The following KPNA4 variants were observed in gnomAD, a reference collection of about 807,000 sequenced individuals.
KPNA4 encodes the protein importin subunit alpha-3.
A neutral mutation model predicts 71.3 loss-of-function variants in KPNA4; 13 were observed. The ratio of observed to expected loss-of-function variants is 0.18; its 90% CI spans 0.12 to 0.29. The LOEUF (loss-of-function observed/expected upper bound fraction) is 0.29. Among genes scored for constraint, KPNA4 ranks in the 10% least tolerant of loss-of-function variants. The pLI, the probability that KPNA4 is intolerant of heterozygous loss-of-function variation, is 1.00. For missense variants in KPNA4, 334 were observed against 603.2 expected, an observed-to-expected ratio of 0.55 and a Z score of 4.67; for synonymous variants, 189 against 195.2, an observed-to-expected ratio of 0.97 and a Z score of 0.26.
At chr3:160,503,075 T>C (rs970485333) in intron 16 of KPNA4, among the ~76,000 whole-genome samples, 2 of 151,936 alleles carry the variant, frequency 1.3e-5, no homozygotes, top group Non-Finnish European at 2.9e-5. Context: ...TGTGCCACTG[T>C]ACTCCAGCCT....
intron 1 of KPNA4, among the ~76,000 whole-genome samples, chr3:160,545,010 C>T (rs1721877362): frequency 6.6e-6 from 1 of 152,144 alleles, no homozygotes; most frequent in Admixed American, 6.5e-5. Context: ...GGAACTATGG[C>T]CCAGCGACTT....
chr3:160,528,087 C>A, intron 7 of KPNA4, 48 bp from the exon 8 acceptor site: 7 of 1,412,494 alleles, frequency 5.0e-6, no homozygotes, highest in South Asian at 2.5e-5. Flanking sequence ...ATACCATAAA[C>A]CAAAAATCAA....
rs1425200190 is a variant in KPNA4, at chr3:160,499,581, C to G, written c.*2523G>C. On this transcript the variant is annotated 3_prime_UTR_variant, in exon 17 of 17. Coordinates refer to ENST00000334256, the MANE Select transcript of KPNA4 (RefSeq NM_002268.5). ...AGAAAAGCCCTTCCCAGAATTTCTA[C>G]TAGAAAATCAATGTTCTATATTAGG... The G allele has an allele frequency of 1.3e-5, 2 of 151,514 alleles. No individual in the cohort carries two copies. The highest frequency in any genetic ancestry group is 2.9e-5 in the Non-Finnish European group (2 of 67,924). The allele number at this position is 151,514 out of a possible 1,614,324, so 9.4% of individuals were successfully genotyped here. A position where few individuals can be genotyped will look rare whatever the true frequency, so the allele number is the denominator to read the frequency against.
chr3:160,550,014 C>T (rs59695030), intron 1 of KPNA4, among the ~76,000 whole-genome samples: 6,842 of 151,830 alleles, frequency 0.045, 227 homozygotes, highest in Middle Eastern at 0.078. Flanking sequence ...TTCTTAATTC[C>T]CTTTTCAGAT....
rs1323238788 is a variant in KPNA4 at position 160,497,173 on chromosome 3, G to C, written c.*4931C>G. The C allele has an allele frequency of 6.6e-6, 1 of 152,216 alleles. No individual in the cohort carries two copies. The highest frequency in any genetic ancestry group is 2.4e-5 in the African/African-American group (1 of 41,442). The allele number at this position is 152,216 out of a possible 1,614,324, so 9.4% of individuals were successfully genotyped here. ...CTCACGCCTGTAATCCCAGCACTTT[G>C]GGAAGCCGAGGTGGGCAGATCATTT... is the stretch of plus-strand genomic sequence containing the variant. On this transcript the variant is annotated 3_prime_UTR_variant, in exon 17 of 17. Transcript: ENST00000334256.
chr3:160,554,342 C>A (rs1479977973), intron 1 of KPNA4, among the ~76,000 whole-genome samples: 1 of 152,114 alleles, frequency 6.6e-6, no homozygotes, highest in African/African-American at 2.4e-5. Flanking sequence ...AAAAATCAGC[C>A]CCATACCCAC....
At chr3:160,565,032 G>C (rs1378145474) in intron 1 of KPNA4, among the ~76,000 whole-genome samples, 182 bp downstream of exon 1, 1 of 151,086 alleles carries the variant, frequency 6.6e-6, no homozygotes, top group Non-Finnish European at 1.5e-5. Flanking sequence ...CGGCGGAGGC[G>C]GAGCAGGCCC....
intron 1 of KPNA4, among the ~76,000 whole-genome samples, chr3:160,547,207 A>T (rs1393595619): frequency 1.3e-5 from 2 of 152,176 alleles, no homozygotes; most frequent in Non-Finnish European, 2.9e-5. Context: ...CTTTTTTTGA[A>T]GAAATAAAAA....
intron 1 of KPNA4, among the ~76,000 whole-genome samples, chr3:160,565,010 C>A (rs577536254): frequency 5.3e-5 from 8 of 150,392 alleles, no homozygotes; most frequent in Non-Finnish European, 1.0e-4. Flanking sequence ...CGTACCCGGG[C>A]ACCTCGCTCC....
intron 1 of KPNA4, among the ~76,000 whole-genome samples, chr3:160,543,285 C>T (rs1174403207): frequency 6.6e-6 from 1 of 152,178 alleles, no homozygotes; most frequent in African/African-American, 2.4e-5. Context: ...GTATTAATTC[C>T]TTCACTTGTA....
intron 10 of KPNA4, among the ~76,000 whole-genome samples, chr3:160,523,470 G>T (rs1238470253): frequency 6.6e-6 from 1 of 152,118 alleles, no homozygotes; most frequent in East Asian, 1.9e-4. Context: ...ACTCCTAAAA[G>T]GTGAAAATAA....
At chr3:160,523,292 G>GA (rs1721392507) in intron 10 of KPNA4, among the ~76,000 whole-genome samples, 1 of 151,828 alleles carries the variant, frequency 6.6e-6, no homozygotes, top group Non-Finnish European at 1.5e-5. Flanking sequence ...GCAACACGGT[G>GA]AAACCCCGTC....
At chr3:160,542,858 C>T (rs187141506) in intron 1 of KPNA4, among the ~76,000 whole-genome samples, 31 of 152,212 alleles carry the variant, frequency 2.0e-4, no homozygotes, top group Admixed American at 1.8e-3. Context: ...CTATAGATTC[C>T]ATACTTTAAA....
chr3:160,538,561 T>A (rs961263417), intron 1 of KPNA4, among the ~76,000 whole-genome samples: 1 of 152,138 alleles, frequency 6.6e-6, no homozygotes, highest in African/African-American at 2.4e-5. Flanking sequence ...AAAAAATATT[T>A]TGTAAAAAGT....
intron 11 of KPNA4, among the ~76,000 whole-genome samples, chr3:160,518,426 C>T (rs1448419403): frequency 1.9e-4 from 28 of 151,190 alleles, no homozygotes; most frequent in African/African-American, 6.8e-4. Context: ...TGAGCCACCG[C>T]GCCCGGCCTA....
At chr3:160,547,570 T>C (rs1721948726) in intron 1 of KPNA4, among the ~76,000 whole-genome samples, 1 of 152,166 alleles carries the variant, frequency 6.6e-6, no homozygotes, top group African/African-American at 2.4e-5. Context: ...AGCCTACATG[T>C]ACTATCACCC....
chr3:160,511,439 T>C (rs1721092683), intron 13 of KPNA4, among the ~76,000 whole-genome samples: 1 of 152,208 alleles, frequency 6.6e-6, no homozygotes, highest in South Asian at 2.1e-4. Flanking sequence ...CAACAAACAC[T>C]GGAGACATCT....
chr3:160,500,950 T>C lies in KPNA4; in HGVS notation c.*1154A>G, dbSNP rs1456284115. The C allele has an allele frequency of 6.6e-6, 1 of 152,522 alleles. No individual in the cohort carries two copies. The highest frequency in any genetic ancestry group is 2.4e-5 in the African/African-American group (1 of 41,430). 9.4% of individuals were successfully genotyped at this position (152,522 alleles called of 1,614,324 possible). ...TTTTTCTTCTTCTTCTTTACAGGAC[T>C]CAACAAAATCTAAAAATGAACTATG... On this transcript the variant is annotated 3_prime_UTR_variant, in exon 17 of 17. Transcript: ENST00000334256.
In KPNA4 at chr3:160,508,247, T is replaced by C; in HGVS notation, c.1232A>G (p.Asn411Ser). The C allele has an allele frequency of 2.5e-6, 4 of 1,609,660 alleles. No individual in the cohort carries two copies. Among genetic ancestry groups the C allele is most frequent in the Middle Eastern group, 1.7e-4 (1 of 6,028 alleles). ...CAAGTTGCAAAAAGGTGGGATAACA[T>C]TTTGTTGGATAAGGTAAGCCACCTG... is the stretch of plus-strand genomic sequence containing the variant. ...KDQVAYLIQQ[N>S]VIPPFCNLLT... Residue 411 changes from asparagine (N) to serine (S), a missense_variant, in exon 15 of 17, where the codon AAT (asparagine) becomes AGT (serine). Physicochemically the swap from Asn to Ser is conservative, Grantham distance 46. Coordinates refer to ENST00000334256, the MANE Select transcript of KPNA4 (RefSeq NM_002268.5).
Sources: gnomAD v4.1 joint callset for allele counts (sites outside exome capture counted in the v4.1 genomes callset) on GRCh38, gnomAD v4.1.1 for gene constraint, MANE v1.5 for transcripts, NCBI Gene and HGNC (gene_info 2026-07-23, HGNC 2026-07-21) for gene names.